Variants in ACYP2 observed in about 807,000 individuals in gnomAD.
ACYP2 encodes the protein acylphosphatase-2.
In ACYP2, 12 loss-of-function variants were observed where a neutral mutation model predicts 11.2. The ratio of observed to expected loss-of-function variants is 1.08; its 90% CI spans 0.69 to 1.74. The LOEUF is 1.74. Ranked by LOEUF, ACYP2 falls within the 40% of genes most tolerant of loss-of-function variation. The pLI is 0.00. For missense variants in ACYP2, 134 were observed against 101.9 expected, an observed-to-expected ratio of 1.31 and a Z score of -1.35; for synonymous variants, 43 against 32.2, an observed-to-expected ratio of 1.33 and a Z score of -1.13.
chr2:54,196,080 G>A (rs757422587), intron 6 of ACYP2, among the ~76,000 whole-genome samples: 1 of 152,094 alleles, frequency 6.6e-6, no homozygotes, highest in Non-Finnish European at 1.5e-5. Context: ...TTACGGGCAT[G>A]AGCCACCATG....
chr2:54,285,977 A>C (rs1052285427), intron 6 of ACYP2, among the ~76,000 whole-genome samples: 2 of 152,156 alleles, frequency 1.3e-5, no homozygotes, highest in African/African-American at 4.8e-5. Context: ...CTTCCTTTAT[A>C]TGATAAAGGA....
At chr2:54,019,356 G>A (rs1673873993) in intron 2 of ACYP2, among the ~76,000 whole-genome samples, 1 of 151,962 alleles carries the variant, frequency 6.6e-6, no homozygotes, top group Admixed American at 6.6e-5. Flanking sequence ...ACAGGGATGA[G>A]CCACTGAGCT....
intron 6 of ACYP2, among the ~76,000 whole-genome samples, chr2:54,167,966 G>T (rs919750292): frequency 7.9e-5 from 12 of 152,040 alleles, no homozygotes; most frequent in Non-Finnish European, 1.8e-4. Context: ...CTGTTCTTGG[G>T]CCCAGTGCCA....
intron 6 of ACYP2, among the ~76,000 whole-genome samples, chr2:54,166,755 A>G (rs566085956): frequency 2.6e-5 from 4 of 152,186 alleles, no homozygotes; most frequent in African/African-American, 9.6e-5. Flanking sequence ...TTCTATAGCA[A>G]TTTGGCTTTT....
intron 4 of ACYP2, among the ~76,000 whole-genome samples, chr2:54,104,663 A>ATACTT (rs1161412317): frequency 6.6e-6 from 1 of 152,228 alleles, no homozygotes; most frequent in Non-Finnish European, 1.5e-5. Context: ...TGACAATGAG[A>ATACTT]AAGTATTACA....
chr2:54,095,388 G>T (rs183650727), intron 4 of ACYP2, among the ~76,000 whole-genome samples: 1 of 152,216 alleles, frequency 6.6e-6, no homozygotes, highest in Non-Finnish European at 1.5e-5. Context: ...CCGTTCTCAA[G>T]GAGCTGTTGG....
At chr2:54,060,366 A>G (rs1261119198) in intron 4 of ACYP2, among the ~76,000 whole-genome samples, 2 of 151,814 alleles carry the variant, frequency 1.3e-5, no homozygotes, top group Non-Finnish European at 2.9e-5. Flanking sequence ...TTTAATTTCT[A>G]TAAACTTATT....
rs201219879 is a variant in ACYP2 at position 54,255,935 on chromosome 2, T to C, written c.405-48753T>C. 309 of 1,613,968 alleles carry C rather than the reference T, an allele frequency of 1.9e-4. No individual in the cohort carries two copies. The highest frequency in any genetic ancestry group is 2.4e-4 in the Non-Finnish European group (285 of 1,180,024). On this transcript the variant is annotated intron_variant, in intron 6 of 6. Coordinates refer to ENST00000607452, the MANE Select transcript of ACYP2 (RefSeq NM_001320586.2). ...TGACTGCGACCCGCATCGACCAAGATGTGGAAAGTATGGCCACCATCTGCG... is the reference window on the plus strand; with the variant it reads ...TGACTGCGACCCGCATCGACCAAGACGTGGAAAGTATGGCCACCATCTGCG...
At chr2:53,997,539 C>T (rs1672631134) in intron 2 of ACYP2, among the ~76,000 whole-genome samples, 1 of 137,734 alleles carries the variant, frequency 7.3e-6, no homozygotes, top group African/African-American at 2.5e-5. Context: ...CTCCTGACCT[C>T]AGGTGATCCA....
At chr2:53,971,593 G>GTT (rs1671121790) in intron 1 of ACYP2, among the ~76,000 whole-genome samples, 1 of 152,152 alleles carries the variant, frequency 6.6e-6, no homozygotes, top group South Asian at 2.1e-4. Flanking sequence ...GAGATAGAAA[G>GTT]TTTAACCTGG....
intron 6 of ACYP2, among the ~76,000 whole-genome samples, chr2:54,264,157 C>G (rs1191352392): frequency 6.6e-6 from 1 of 152,150 alleles, no homozygotes; most frequent in African/African-American, 2.4e-5. Context: ...GAGTTTCTTC[C>G]TTCCGGTGGG....
chr2:54,129,937 T>G (rs1680801473), intron 4 of ACYP2, among the ~76,000 whole-genome samples: 1 of 149,078 alleles, frequency 6.7e-6, no homozygotes, highest in Admixed American at 6.7e-5. Context: ...ATATAAAAAT[T>G]TATATGATAA....
intron 6 of ACYP2, among the ~76,000 whole-genome samples, chr2:54,278,423 T>C (rs942798513): frequency 6.6e-6 from 1 of 152,330 alleles, no homozygotes; most frequent in Non-Finnish European, 1.5e-5. Context: ...AATTGGTGGT[T>C]GGAATAGAAA....
chr2:54,206,628 A>C (rs1685078439), intron 6 of ACYP2, among the ~76,000 whole-genome samples: 3 of 152,172 alleles, frequency 2.0e-5, no homozygotes, highest in Non-Finnish European at 4.4e-5. Flanking sequence ...GTATTTTGTA[A>C]ACTCTCCATT....
chr2:54,092,256 AAG>A (rs1678275148), intron 4 of ACYP2, among the ~76,000 whole-genome samples: 1 of 152,210 alleles, frequency 6.6e-6, no homozygotes, highest in African/African-American at 2.4e-5. Flanking sequence ...TGGGTTATGA[AAG>A]AGGGAAGAAT....
At chr2:54,112,398 C>A (rs4671857) in intron 4 of ACYP2, among the ~76,000 whole-genome samples, 140,933 of 152,310 alleles carry the variant, frequency 0.93, 65,351 homozygotes, top group East Asian at 1. Flanking sequence ...CATATACAGT[C>A]TTGGTAGTAA....
chr2:54,142,368 A>C (rs1050027848), intron 6 of ACYP2: 7 of 152,710 alleles, frequency 4.6e-5, no homozygotes, highest in African/African-American at 1.7e-4. Context: ...TGTCCATTTT[A>C]TGTCTTAGGA....
chr2:54,198,005 T>C (rs533244881), intron 6 of ACYP2, among the ~76,000 whole-genome samples: 6 of 135,400 alleles, frequency 4.4e-5, no homozygotes, highest in Non-Finnish European at 7.6e-5. Context: ...TTGTATTGTA[T>C]TGTATTGTAT....
intron 6 of ACYP2, among the ~76,000 whole-genome samples, chr2:54,175,845 A>G (rs1683435240): frequency 6.6e-6 from 1 of 152,090 alleles, no homozygotes; most frequent in African/African-American, 2.4e-5. Flanking sequence ...CTCCAAAATC[A>G]TATGTTGAAA....
Sources: gnomAD v4.1 joint callset for allele counts (sites outside exome capture counted in the v4.1 genomes callset) on GRCh38, gnomAD v4.1.1 for gene constraint, MANE v1.5 for transcripts, NCBI Gene and HGNC (gene_info 2026-07-23, HGNC 2026-07-21) for gene names.